Variants in SRP19 observed in about 807,000 individuals in gnomAD.
The protein encoded by SRP19 is signal recognition particle 19 kDa protein.
In SRP19, 11 loss-of-function variants were observed where a neutral mutation model predicts 22.4. The observed-to-expected ratio is 0.49, with a 90% CI of 0.31 to 0.81. The LOEUF is 0.81. Ranked by LOEUF, SRP19 falls within the 40% of genes least tolerant of loss-of-function variation. The pLI, the probability that SRP19 is intolerant of heterozygous loss-of-function variation, is 0.05. For synonymous variants in SRP19, 61 were observed against 57.6 expected, an observed-to-expected ratio of 1.06 and a Z score of -0.27; for missense variants, 168 against 175.9, an observed-to-expected ratio of 0.96 and a Z score of 0.25.
chr5:112,871,462 T>A (rs561586734), downstream of SRP19, among the ~76,000 whole-genome samples: 19 of 151,722 alleles, frequency 1.3e-4, no homozygotes, highest in African/African-American at 4.1e-4. Flanking sequence ...TTAAAAAAAT[T>A]TTTTTTTAGA....
At chr5:112,895,493 G>GAT (rs1768654274), downstream of SRP19, 1 of 92,352 alleles carries the variant, frequency 1.1e-5, no homozygotes, top group Non-Finnish European at 2.0e-5. Context: ...TTTTCTGGAT[G>GAT]AATTAAGTGT....
At chr5:112,865,303 G>C (rs1767553936) in intron 4 of SRP19, 1 of 152,198 alleles carries the variant, frequency 6.6e-6, no homozygotes, top group Non-Finnish European at 1.5e-5. Context: ...TGGTGAGCGG[G>C]GTAGAGAGTA....
intron 1 of SRP19, among the ~76,000 whole-genome samples, chr5:112,861,716 A>T (rs1408223747): frequency 6.6e-6 from 1 of 152,214 alleles, no homozygotes; most frequent in Non-Finnish European, 1.5e-5. Context: ...CAGTGTGAGA[A>T]ATGTGTTCTT....
At position 112,868,176 on chromosome 5, in the gene SRP19, A is replaced by G. The variant is rs1767669982; in HGVS notation, c.*639A>G. ...TTGCTTATTTTGTAGGTTTAAGAACATGATTTTCATGGGAGTTGTAAAATT... is the reference window on the plus strand; with the variant it reads ...TTGCTTATTTTGTAGGTTTAAGAACGTGATTTTCATGGGAGTTGTAAAATT... On this transcript the variant is annotated 3_prime_UTR_variant, in exon 5 of 5. Transcript: ENST00000505459. The G allele has an allele frequency of 1.0e-6, 1 of 985,478 alleles. No individual in the cohort carries two copies. The highest frequency in any genetic ancestry group is 1.2e-6 in the Non-Finnish European group (1 of 829,940). 61.0% of individuals were successfully genotyped at this position (985,478 alleles called of 1,614,324 possible).
intron 4 of SRP19, among the ~76,000 whole-genome samples, chr5:112,879,604 G>T (rs944109118): frequency 6.6e-6 from 1 of 152,070 alleles, no homozygotes; most frequent in African/African-American, 2.4e-5. Flanking sequence ...CTCCCGAGTA[G>T]CTGGGACTAC....
intron 2 of SRP19, 46 bp downstream of exon 2, chr5:112,862,629 G>A: frequency 5.1e-6 from 8 of 1,555,920 alleles, no homozygotes; most frequent in Non-Finnish European, 7.1e-6. Context: ...AATGGGGGGT[G>A]TCATCCTGGT....
chr5:112,889,257 C>T (rs1057317038), intron 4 of SRP19, among the ~76,000 whole-genome samples: 5 of 150,534 alleles, frequency 3.3e-5, no homozygotes, highest in Admixed American at 6.6e-5. Context: ...AAAACCCAGA[C>T]ACTATAGGAC....
rs1767648894 is a variant in SRP19 at position 112,867,588 on chromosome 5, G to T, written c.*51G>T. The T allele has an allele frequency of 1.3e-6, 2 of 1,509,696 alleles. No homozygotes were observed. The highest frequency in any genetic ancestry group is 1.8e-6 in the Non-Finnish European group (2 of 1,127,370). 93.5% of individuals were successfully genotyped at this position (1,509,696 alleles called of 1,614,324 possible). A position where few individuals can be genotyped will look rare whatever the true frequency, so the allele number is the denominator to read the frequency against. On this transcript the variant is annotated 3_prime_UTR_variant, in exon 5 of 5. Transcript: ENST00000505459. ...TACTACTGTAAGAGACATGAATGGA[G>T]ACTTCTAATTTGTATCGGAGGGAAA...
downstream of SRP19, among the ~76,000 whole-genome samples, chr5:112,873,245 A>ACCTGCTG (rs2150029875): frequency 9.7e-6 from 1 of 103,542 alleles, no homozygotes; most frequent in African/African-American, 3.8e-5. Flanking sequence ...TGACTATTAG[A>ACCTGCTG]CCTGCTGGTC....
Position 112,864,603 on chromosome 5 carries a change from T to C in SRP19, c.190-18T>C, listed in dbSNP as rs761960530. On this transcript the variant is annotated intron_variant, in intron 3 of 4. Transcript: ENST00000505459. Reference sequence around the variant, plus strand: ...AACTTTCTTAAGTCCTGTTTTTCTTTTGTTTCGTTTATGTTAGAAAAATAA... The same window carrying C: ...AACTTTCTTAAGTCCTGTTTTTCTTCTGTTTCGTTTATGTTAGAAAAATAA... 6.2e-7 allele frequency: 1 copy of C among 1,612,840 alleles called. No individual in the cohort carries two copies. The highest frequency in any genetic ancestry group is 1.7e-5 in the Admixed American group (1 of 59,936).
At chr5:112,876,328 C>A (rs1449570593) in intron 4 of SRP19, 1 of 152,096 alleles carries the variant, frequency 6.6e-6, no homozygotes, top group Non-Finnish European at 1.5e-5. Flanking sequence ...TTAAAACTTT[C>A]CTTAAATAAT....
Position 112,878,176 on chromosome 5 carries a change from A to G in SRP19, c.302-13427A>G, listed in dbSNP as rs192158811. 2.6e-5 allele frequency: 4 copies of G among 152,746 alleles called. No homozygotes were observed. The East Asian group carries it at 7.7e-4, about 29-fold the overall frequency. The allele number at this position is 152,746 out of a possible 1,614,324, so 9.5% of individuals were successfully genotyped here. A position where few individuals can be genotyped will look rare whatever the true frequency, so the allele number is the denominator to read the frequency against. On this transcript the variant is annotated intron_variant, in intron 4 of 4. Transcript: ENST00000391338. ...TTGTTCACTTGCATATTAATCACGT[A>G]TTTCCTAAAGTATTATTTAGTAGAC...
At chr5:112,862,440 G>T in intron 1 of SRP19, 68 bp from the exon 2 acceptor site, 1 of 1,427,458 alleles carries the variant, frequency 7.0e-7, no homozygotes, top group East Asian at 2.3e-5. Context: ...TTGGTTCCCT[G>T]CCACCCGACC....
chr5:112,863,754 T>A (rs1767494002), intron 2 of SRP19, among the ~76,000 whole-genome samples: 1 of 151,686 alleles, frequency 6.6e-6, no homozygotes, highest in Non-Finnish European at 1.5e-5. Flanking sequence ...AGGCTCCACC[T>A]CCTGGACTCA....
rs1767659184 is a variant in SRP19 at position 112,867,849 on chromosome 5, A to C, written c.*312A>C. On this transcript the variant is annotated 3_prime_UTR_variant, in exon 5 of 5. Coordinates refer to ENST00000505459, the MANE Select transcript of SRP19 (RefSeq NM_003135.3). ...AAGTTGTTTCAGATAAATTTCAATTAGATTTAAAATAAACATTTTGTCCAC... is the reference window on the plus strand; with the variant it reads ...AAGTTGTTTCAGATAAATTTCAATTCGATTTAAAATAAACATTTTGTCCAC... 3.9e-6 allele frequency: 4 copies of C among 1,035,600 alleles called. No individual in the cohort carries two copies. The South Asian group carries it at 1.8e-4, about 47-fold the overall frequency. 64.2% of individuals were successfully genotyped at this position (1,035,600 alleles called of 1,614,324 possible). A position where few individuals can be genotyped will look rare whatever the true frequency, so the allele number is the denominator to read the frequency against.
chr5:112,895,254 A>AAAAAAAAAT (rs1240830765), downstream of SRP19: 12 of 151,378 alleles, frequency 7.9e-5, 1 homozygote, highest in Admixed American at 7.9e-4. Context: ...AAAAAAAAAA[A>AAAAAAAAAT]AAAATCAGGA....
At position 112,889,299 on chromosome 5, in the gene SRP19, T is replaced by C. The variant is rs187516038; in HGVS notation, c.302-2304T>C. Among the ~76,000 whole-genome samples, 13 of 151,040 alleles carry C rather than the reference T, an allele frequency of 8.6e-5. 2 individuals are homozygous for C. In the East Asian group the frequency reaches 2.0e-3, roughly 23 times the overall value. On this transcript the variant is annotated intron_variant, in intron 4 of 4. Transcript: ENST00000391338. ...TTTTATAAAACCCCAAAACTATAGC[T>C]GTATGCTTAAGAAACATACCTACAA...
downstream of SRP19, among the ~76,000 whole-genome samples, chr5:112,872,928 G>T (rs1283815767): frequency 9.2e-6 from 1 of 108,240 alleles, no homozygotes; most frequent in Non-Finnish European, 2.3e-5. Context: ...GCTGGATATA[G>T]AATTACCTTT....
chr5:112,880,868 C>T (rs1768052128), intron 4 of SRP19, among the ~76,000 whole-genome samples: 1 of 152,060 alleles, frequency 6.6e-6, no homozygotes, highest in African/African-American at 2.4e-5. Context: ...GTGGCTCATG[C>T]CTGTAATCCC....
Sources: allele counts gnomAD v4.1 joint callset (sites outside exome capture counted in the v4.1 genomes callset), GRCh38; gene constraint gnomAD v4.1.1; transcripts MANE v1.5; gene names NCBI Gene and HGNC (gene_info 2026-07-23, HGNC 2026-07-21).